The following ASIC2 variants were observed in gnomAD, a reference collection of about 807,000 sequenced individuals.
ASIC2 encodes the protein acid-sensing ion channel 2.
In ASIC2, 25 loss-of-function variants were observed where a neutral mutation model predicts 57.3. The observed-to-expected ratio is 0.44, with a 90% CI of 0.32 to 0.61. The LOEUF is 0.61. Among genes scored for constraint, ASIC2 ranks in the 20% least tolerant of loss-of-function variants. ASIC2 has a pLI of 0.06. For missense variants in ASIC2, 641 were observed against 738.1 expected, an observed-to-expected ratio of 0.87 and a Z score of 1.52; for synonymous variants, 319 against 307.5, an observed-to-expected ratio of 1.04 and a Z score of -0.39.
intron 1 of ASIC2, among the ~76,000 whole-genome samples, chr17:33,220,885 T>C (rs2142097318): frequency 6.6e-6 from 1 of 152,132 alleles, no homozygotes; most frequent in South Asian, 2.1e-4. Flanking sequence ...CTGGGCAATA[T>C]GATGATACCT....
At chr17:33,751,231 C>T (rs879261257) in intron 1 of ASIC2, among the ~76,000 whole-genome samples, 1 of 152,172 alleles carries the variant, frequency 6.6e-6, no homozygotes, top group Non-Finnish European at 1.5e-5. Flanking sequence ...CTGCAGGAGA[C>T]GGCTCATAGC....
At chr17:33,609,799 C>T (rs963785752) in intron 1 of ASIC2, among the ~76,000 whole-genome samples, 24 of 150,572 alleles carry the variant, frequency 1.6e-4, no homozygotes, top group African/African-American at 5.6e-4. Context: ...AGGGAAATGA[C>T]AGTAAAATGT....
intron 1 of ASIC2, among the ~76,000 whole-genome samples, chr17:33,672,890 T>C (rs1485378037): frequency 6.6e-6 from 1 of 152,194 alleles, no homozygotes; most frequent in Non-Finnish European, 1.5e-5. Context: ...TCACTTTCTC[T>C]ATCTATAAAG....
intron 1 of ASIC2, among the ~76,000 whole-genome samples, chr17:33,187,049 C>T (rs1411211830): frequency 2.6e-5 from 4 of 152,182 alleles, no homozygotes; most frequent in East Asian, 3.8e-4. Context: ...AAAAAGGTCA[C>T]GGTCACTATT....
At chr17:33,413,323 CT>C (rs1910727832) in intron 1 of ASIC2, among the ~76,000 whole-genome samples, 2 of 152,198 alleles carry the variant, frequency 1.3e-5, no homozygotes, top group Non-Finnish European at 2.9e-5. Flanking sequence ...TTATTGAGAG[CT>C]TTTTCCTTGA....
chr17:33,321,408 C>G (rs1450282319), intron 1 of ASIC2, among the ~76,000 whole-genome samples: 3 of 152,136 alleles, frequency 2.0e-5, no homozygotes, highest in African/African-American at 7.2e-5. Context: ...AATCAACTTA[C>G]CCAGGAATGC....
rs115326545 is a variant in ASIC2 at position 33,459,008 on chromosome 17, T to C, written c.556-346941A>G. Among the ~76,000 whole-genome samples, 1,306 of 152,160 alleles carry C rather than the reference T, an allele frequency of 8.6e-3. 18 individuals carry two copies. The highest frequency in any genetic ancestry group is 0.028 in the African/African-American group (1,157 of 41,504). On this transcript the variant is annotated intron_variant, in intron 1 of 9. Transcript: ENST00000359872. ...AAAACCTCCACGTTGTCAATAGATA[T>C]AGACAACGGGGCTCTTCTGGTTGAA...
intron 1 of ASIC2, among the ~76,000 whole-genome samples, chr17:33,682,595 A>C (rs1908045151): frequency 6.6e-6 from 1 of 151,256 alleles, no homozygotes; most frequent in African/African-American, 2.4e-5. Flanking sequence ...TGCCACAGTC[A>C]AATTAGATTT....
chr17:33,722,141 C>A (rs934172218), intron 1 of ASIC2, among the ~76,000 whole-genome samples: 2 of 152,150 alleles, frequency 1.3e-5, no homozygotes, highest in African/African-American at 2.4e-5. Context: ...GTAATTGAAT[C>A]ATGGGGGTGG....
chr17:33,057,711 T>C (rs1055669387), intron 3 of ASIC2, among the ~76,000 whole-genome samples: 2 of 152,250 alleles, frequency 1.3e-5, no homozygotes, highest in Non-Finnish European at 2.9e-5. Context: ...GGAATGGTTC[T>C]GGTTGAGGCT....
intron 1 of ASIC2, among the ~76,000 whole-genome samples, chr17:33,988,902 C>G (rs919141201): frequency 6.6e-6 from 1 of 152,102 alleles, no homozygotes; most frequent in African/African-American, 2.4e-5. Context: ...GTAATTTATA[C>G]TCTAGAGCTC....
intron 1 of ASIC2, among the ~76,000 whole-genome samples, chr17:33,708,214 G>A (rs1908919747): frequency 6.6e-6 from 1 of 152,172 alleles, no homozygotes; most frequent in South Asian, 2.1e-4. Context: ...GACATCTATT[G>A]CCTTAAATTC....
At chr17:33,144,170 G>GAAAAAC (rs1385782227) in intron 1 of ASIC2, among the ~76,000 whole-genome samples, 1 of 150,926 alleles carries the variant, frequency 6.6e-6, no homozygotes, top group African/African-American at 2.4e-5. Flanking sequence ...AAAAAAAAAC[G>GAAAAAC]AAAAACAAAA....
At chr17:33,850,401 G>T (rs1913732709) in intron 1 of ASIC2, among the ~76,000 whole-genome samples, 1 of 152,196 alleles carries the variant, frequency 6.6e-6, no homozygotes, top group Non-Finnish European at 1.5e-5. Context: ...CAGAAAGACA[G>T]TTAATGGGTA....
intron 3 of ASIC2, among the ~76,000 whole-genome samples, chr17:33,072,096 T>A (rs2092071508): frequency 6.6e-6 from 1 of 152,160 alleles, no homozygotes; most frequent in Non-Finnish European, 1.5e-5. Flanking sequence ...GAACTCTGGT[T>A]GTCTCGGTCT....
chr17:33,092,802 G>A (rs528086583), intron 2 of ASIC2, among the ~76,000 whole-genome samples: 11 of 152,302 alleles, frequency 7.2e-5, no homozygotes, highest in Non-Finnish European at 1.5e-4. Context: ...CTGAGGGCAT[G>A]GGATATCTTT....
chr17:33,266,872 A>T (rs1047091136), intron 1 of ASIC2, among the ~76,000 whole-genome samples: 2 of 152,106 alleles, frequency 1.3e-5, no homozygotes, highest in African/African-American at 4.8e-5. Context: ...CTAATTTTTC[A>T]TGTAGCACAG....
chr17:33,299,539 GT>G (rs5820029), intron 1 of ASIC2, among the ~76,000 whole-genome samples: 52 of 150,760 alleles, frequency 3.4e-4, no homozygotes, highest in Admixed American at 1.1e-3. Context: ...CCCTCACTCT[GT>G]TTTTTTTTGT....
At chr17:33,392,852 G>A (rs1033085951) in intron 1 of ASIC2, among the ~76,000 whole-genome samples, 62 of 152,156 alleles carry the variant, frequency 4.1e-4, no homozygotes, top group Non-Finnish European at 7.3e-4. Context: ...GACCATAAAT[G>A]TTCACCTTTG....
Sources: gnomAD v4.1 joint callset for allele counts (sites outside exome capture counted in the v4.1 genomes callset) on GRCh38, gnomAD v4.1.1 for gene constraint, MANE v1.5 for transcripts, NCBI Gene and HGNC (gene_info 2026-07-23, HGNC 2026-07-21) for gene names.